Variants in ARHGAP36 observed in about 807,000 individuals in gnomAD.
The protein encoded by ARHGAP36 is rho GTPase-activating protein 36.
Under a neutral mutation model 32.9 loss-of-function variants are expected in ARHGAP36, and 7 were observed. The observed-to-expected ratio is 0.21, with a 90% CI of 0.12 to 0.40. ARHGAP36 has a LOEUF of 0.40. ARHGAP36 is among the 10% of genes least tolerant of loss of function. The pLI is 1.00. For missense variants in ARHGAP36, 383 were observed against 442.2 expected (o/e 0.87, Z 1.20); for synonymous variants, 165 against 168.3 (o/e 0.98, Z 0.15).
At chrX:131,065,750 C>T (rs1430244468) in intron 1 of ARHGAP36, among the ~76,000 whole-genome samples, 1 of 111,696 alleles carries the variant, frequency 9.0e-6, no homozygotes, top group Non-Finnish European at 1.9e-5. Context: ...AGGTGCTGAC[C>T]CAGGCCCAGC....
intron 1 of ARHGAP36, among the ~76,000 whole-genome samples, chrX:131,072,575 G>C (rs775847299): frequency 8.9e-6 from 1 of 111,900 alleles, no homozygotes; most frequent in South Asian, 3.7e-4. Flanking sequence ...CTGTGTCCTT[G>C]GGTAAGTTTC....
intron 7 of ARHGAP36, 53 bp downstream of exon 7, chrX:131,085,117 C>A: frequency 8.9e-7 from 1 of 1,119,967 alleles, no homozygotes; most frequent in Non-Finnish European, 1.2e-6. Flanking sequence ...TTACTGGGGT[C>A]TAGGGGGTTC....
intron 7 of ARHGAP36, 101 bp downstream of exon 7, chrX:131,085,165 A>G: frequency 4.7e-6 from 4 of 858,811 alleles, no homozygotes; most frequent in Non-Finnish European, 6.2e-6. Context: ...TTGAAGAACT[A>G]AGGCAAAATG....
chrX:131,088,947 G>T lies in ARHGAP36; in HGVS notation c.*162G>T. ...GATGAGAATTCCAAACACACTGCCAGCCCCTTCACTGGGGATGCTTGGTCT... is the reference window on the plus strand; with the variant it reads ...GATGAGAATTCCAAACACACTGCCATCCCCTTCACTGGGGATGCTTGGTCT... On this transcript the variant is annotated 3_prime_UTR_variant, in exon 12 of 12. Coordinates refer to ENST00000276211, the MANE Select transcript of ARHGAP36 (RefSeq NM_144967.4). 1 of 724,049 alleles carries T rather than the reference G, an allele frequency of 1.4e-6. No homozygotes were observed. The highest frequency in any genetic ancestry group is 1.9e-6 in the Non-Finnish European group (1 of 521,622). The allele number at this position is 724,049 out of a possible 1,213,427, so 59.7% of individuals were successfully genotyped here.
At chrX:131,085,558 C>T in intron 7 of ARHGAP36, 30 bp from the exon 8 acceptor site, 1 of 1,203,361 alleles carries the variant, frequency 8.3e-7, no homozygotes, top group Non-Finnish European at 1.1e-6. Flanking sequence ...GACTATCCCC[C>T]TGAGACAGCC....
chrX:131,077,534 C>G (rs1026321711), intron 1 of ARHGAP36, among the ~76,000 whole-genome samples: 1 of 110,235 alleles, frequency 9.1e-6, no homozygotes, highest in African/African-American at 3.3e-5. Context: ...TAGTTGAAAC[C>G]ATTTCAGTCC....
At chrX:131,085,162 A>G in intron 7 of ARHGAP36, 98 bp downstream of exon 7, 2 of 889,782 alleles carry the variant, frequency 2.2e-6, no homozygotes, top group Non-Finnish European at 3.0e-6. Flanking sequence ...ACTTTGAAGA[A>G]CTAAGGCAAA....
At chrX:131,087,545 C>A (rs746772406) in intron 11 of ARHGAP36, among the ~76,000 whole-genome samples, 1 of 111,595 alleles carries the variant, frequency 9.0e-6, no homozygotes, top group Non-Finnish European at 1.9e-5. Flanking sequence ...GATGGAATCC[C>A]AAAATGATGA....
chrX:131,083,711 T>C (rs766907190), intron 3 of ARHGAP36, 23 bp from the exon 4 acceptor site: 30 of 1,194,017 alleles, frequency 2.5e-5, no homozygotes, highest in Admixed American at 1.7e-4. Flanking sequence ...ACGTTTCTCA[T>C]TCTTTCTCTC....
chrX:131,082,504 C>T (rs1295084656), intron 2 of ARHGAP36, among the ~76,000 whole-genome samples: 3 of 112,685 alleles, frequency 2.7e-5, no homozygotes, highest in Non-Finnish European at 5.6e-5. Context: ...CAGGGAATCT[C>T]AGGGGTAAGC....
chrX:131,059,744 G>A (rs2079658739), intron 1 of ARHGAP36, among the ~76,000 whole-genome samples: 1 of 111,765 alleles, frequency 8.9e-6, no homozygotes, highest in African/African-American at 3.3e-5. Context: ...TGATCCTGGT[G>A]AATCAAAAAT....
intron 1 of ARHGAP36, among the ~76,000 whole-genome samples, chrX:131,061,552 C>A (rs1440015973): frequency 3.6e-5 from 4 of 111,771 alleles, no homozygotes; most frequent in African/African-American, 1.3e-4. Context: ...GACCCTGGGG[C>A]GCACTTTACA....
At chrX:131,075,845 CTTGAG>C (rs2079760916) in intron 1 of ARHGAP36, among the ~76,000 whole-genome samples, 1 of 111,270 alleles carries the variant, frequency 9.0e-6, no homozygotes, top group Non-Finnish European at 1.9e-5. Context: ...AAGGGCAAGG[CTTGAG>C]TTGGGGATAG....
intron 1 of ARHGAP36, among the ~76,000 whole-genome samples, chrX:131,069,030 C>T (rs2079717947): frequency 1.8e-5 from 2 of 112,130 alleles, no homozygotes; most frequent in South Asian, 7.5e-4. Context: ...TTTCTTAGCC[C>T]ACTAGCCCTC....
intron 1 of ARHGAP36, among the ~76,000 whole-genome samples, chrX:131,078,528 T>TG (rs2079777015): frequency 8.9e-6 from 1 of 112,000 alleles, no homozygotes; most frequent in Non-Finnish European, 1.9e-5. Context: ...AGAGGTCTCT[T>TG]GGCACCTCTT....
Position 131,077,341 on chromosome X carries a change from C to A in ARHGAP36, c.-142-4183C>A, listed in dbSNP as rs137970342. Reference sequence around the variant, plus strand: ...TTTGAGGCACTCTCAGAGGCTTGGACCAAAATTCTAGTGATGCCATAGAGT... The same window carrying A: ...TTTGAGGCACTCTCAGAGGCTTGGAACAAAATTCTAGTGATGCCATAGAGT... On this transcript the variant is annotated intron_variant, in intron 1 of 11. Transcript: ENST00000276211. Among the ~76,000 whole-genome samples, 804 of 111,989 alleles carry A rather than the reference C, an allele frequency of 7.2e-3. 6 individuals are homozygous for A. The highest frequency in any genetic ancestry group is 0.025 in the African/African-American group (764 of 30,783).
At chrX:131,084,193 G>A (rs767581133) in intron 4 of ARHGAP36, 22 bp from the exon 5 acceptor site, 1 of 1,177,840 alleles carries the variant, frequency 8.5e-7, no homozygotes, top group African/African-American at 1.8e-5. Context: ...CCCATTTTAA[G>A]ATAATCTGGA....
intron 1 of ARHGAP36, among the ~76,000 whole-genome samples, chrX:131,069,088 T>G (rs2079718268): frequency 8.9e-6 from 1 of 111,974 alleles, no homozygotes; most frequent in African/African-American, 3.2e-5. Flanking sequence ...CAGGGGGCGA[T>G]AGAGTCGCTA....
rs1382703470 is a variant in ARHGAP36, at chrX:131,083,240, C to A, written c.319+10C>A. Reference sequence around the variant, plus strand: ...AGAGGACAGCAGAGGGGTGAGGGGGCTCTTGTATTTTCTTTAGAAAAGAAA... The same window carrying A: ...AGAGGACAGCAGAGGGGTGAGGGGGATCTTGTATTTTCTTTAGAAAAGAAA... On this transcript the variant is annotated intron_variant, in intron 3 of 11. Coordinates refer to ENST00000276211, the MANE Select transcript of ARHGAP36 (RefSeq NM_144967.4). 8.3e-7 allele frequency: 1 copy of A among 1,200,690 alleles called. No homozygotes were observed. Among genetic ancestry groups the A allele is most frequent in the South Asian group, 1.8e-5 (1 of 55,041 alleles).
Sources: gnomAD v4.1 joint callset for allele counts (sites outside exome capture counted in the v4.1 genomes callset) on GRCh38, gnomAD v4.1.1 for gene constraint, MANE v1.5 for transcripts, NCBI Gene and HGNC (gene_info 2026-07-23, HGNC 2026-07-21) for gene names.